Variants in SMC2 observed in about 807,000 individuals in gnomAD.
SMC2 encodes structural maintenance of chromosomes 2.
A neutral mutation model predicts 142.6 loss-of-function variants in SMC2; 41 were observed. The ratio of observed to expected loss-of-function variants is 0.29; its 90% CI spans 0.22 to 0.37. The LOEUF is 0.37. Among genes scored for constraint, SMC2 ranks in the 10% least tolerant of loss-of-function variants. The pLI, the probability that SMC2 is intolerant of heterozygous loss-of-function variation, is 1.00. For missense variants in SMC2, 1,265 were observed against 1,373.7 expected (o/e 0.92, Z 1.25); for synonymous variants, 463 against 457.5 (o/e 1.01, Z -0.15).
At chr9:104,096,435 T>G in intron 3 of SMC2, 138 bp downstream of exon 3, 1 of 699,900 alleles carries the variant, frequency 1.4e-6, no homozygotes, top group South Asian at 2.0e-5. Flanking sequence ...GATTCCTTAA[T>G]GTCTTCCTTA....
At chr9:104,093,552 A>G (rs371409466), upstream of SMC2, among the ~76,000 whole-genome samples, 147 of 152,220 alleles carry the variant, frequency 9.7e-4, 1 homozygote, top group African/African-American at 3.2e-3. Context: ...TCAGAACTCA[A>G]TAACATGAAC....
rs778612143 is a variant in SMC2 at position 104,120,179 on chromosome 9, C to A, written c.2132+17C>A. The A allele has an allele frequency of 6.4e-7, 1 of 1,563,124 alleles. No homozygotes were observed. Among genetic ancestry groups the A allele is most frequent in the African/African-American group, 1.4e-5 (1 of 71,692 alleles). The stretch of plus-strand genomic sequence containing the variant: ...TGCTGAAAAGTAAGAACTGCATATA[C>A]TTTTTTTAATTAAAGATTTGCATAG... On this transcript the variant is annotated intron_variant, in intron 16 of 24. Transcript: ENST00000374793.
At chr9:104,124,838 T>A in intron 17 of SMC2, 74 bp from the exon 18 acceptor site, 1 of 1,150,214 alleles carries the variant, frequency 8.7e-7, no homozygotes, top group Non-Finnish European at 1.2e-6. Context: ...CCAAACCATT[T>A]CTTCTATTAA....
intron 4 of SMC2, among the ~76,000 whole-genome samples, chr9:104,098,837 T>A (rs1267899037): frequency 2.1e-5 from 3 of 145,496 alleles, no homozygotes. Flanking sequence ...ATGTTAACTG[T>A]AAAAAAAAAA....
At chr9:104,111,461 A>AT in intron 9 of SMC2, 120 bp from the exon 10 acceptor site, 1 of 609,050 alleles carries the variant, frequency 1.6e-6, no homozygotes, top group Non-Finnish European at 2.9e-6. Context: ...TGATGGTTAA[A>AT]TTATTTTATT....
Position 104,139,667 on chromosome 9 carries a change from TTTAA to T in SMC2, c.*355_*358del, listed in dbSNP as rs1444531368. On this transcript the variant is annotated 3_prime_UTR_variant, in exon 25 of 25. Transcript: ENST00000374793. ...TGATAAATGTAGCTGATCATCAGTG[TTTAA>T]TTGATTTAATTCCTAAGGCAATATT... 5.9e-6 allele frequency: 1 copy of T among 168,238 alleles called. No individual in the cohort carries two copies. Among genetic ancestry groups the T allele is most frequent in the Non-Finnish European group, 1.3e-5 (1 of 79,578 alleles). 10.4% of individuals were successfully genotyped at this position (168,238 alleles called of 1,614,324 possible). A position where few individuals can be genotyped will look rare whatever the true frequency, so the allele number is the denominator to read the frequency against.
chr9:104,109,843 T>C (rs988516835), intron 9 of SMC2, among the ~76,000 whole-genome samples: 1 of 152,060 alleles, frequency 6.6e-6, no homozygotes, highest in Non-Finnish European at 1.5e-5. Flanking sequence ...TATACAAAAA[T>C]CTATTATAAA....
At chr9:104,093,637 G>A (rs1462159434), upstream of SMC2, among the ~76,000 whole-genome samples, 1 of 152,134 alleles carries the variant, frequency 6.6e-6, no homozygotes, top group Non-Finnish European at 1.5e-5. Context: ...CCGGTATAAG[G>A]GAGATGAATA....
intron 19 of SMC2, 150 bp from the exon 20 acceptor site, chr9:104,127,136 G>T (rs2131507231): frequency 3.3e-6 from 2 of 604,578 alleles, no homozygotes; most frequent in East Asian, 2.8e-5. Flanking sequence ...CCTTTTAATG[G>T]TGATATAAAA....
upstream of SMC2, chr9:104,094,218 G>A (rs533393505): frequency 5.1e-6 from 2 of 395,974 alleles, no homozygotes; most frequent in Admixed American, 8.8e-5. Context: ...CGAGTGTAGG[G>A]GAAAAATTGA....
chr9:104,102,304 A>T, intron 8 of SMC2, 111 bp downstream of exon 8: 1 of 1,106,740 alleles, frequency 9.0e-7, no homozygotes, highest in Non-Finnish European at 1.3e-6. Flanking sequence ...TGATTTGTTA[A>T]TCTTATAGTA....
chr9:104,101,158 C>A (rs1831076027), intron 7 of SMC2, among the ~76,000 whole-genome samples: 1 of 152,134 alleles, frequency 6.6e-6, no homozygotes, highest in East Asian at 1.9e-4. Flanking sequence ...TGGTCTTGAA[C>A]TCCTGGGCTC....
At position 104,137,994 on chromosome 9, in the gene SMC2, G is replaced by C. The variant is rs369661609; in HGVS notation, c.3270-24G>C. The C allele has an allele frequency of 8.6e-6, 13 of 1,508,194 alleles. No homozygotes were observed. The Admixed American group carries it at 9.9e-5, about 11-fold the overall frequency. The allele number at this position is 1,508,194 out of a possible 1,614,324, so 93.4% of individuals were successfully genotyped here. A position where few individuals can be genotyped will look rare whatever the true frequency, so the allele number is the denominator to read the frequency against. On this transcript the variant is annotated intron_variant, in intron 23 of 24. Transcript: ENST00000374793. ...TAAGTGATAAAATCAAATTTTTATGGCTTTTCTTCTGACCTTTTCTTAGGT... is the reference window on the plus strand; with the variant it reads ...TAAGTGATAAAATCAAATTTTTATGCCTTTTCTTCTGACCTTTTCTTAGGT...
Position 104,113,492 on chromosome 9 carries a change from A to G in SMC2, c.1414+17A>G. 6.3e-7 allele frequency: 1 copy of G among 1,578,126 alleles called. No individual in the cohort carries two copies. Among genetic ancestry groups the G allele is most frequent in the East Asian group, 2.3e-5 (1 of 44,008 alleles). On this transcript the variant is annotated intron_variant, in intron 11 of 24. Coordinates refer to ENST00000374793, the MANE Select transcript of SMC2 (RefSeq NM_006444.3). ...ATTATGAAGGTTTGCCTTTAAAAAC[A>G]TGATAATCAGATCATGAGGAGGTAG... is the stretch of plus-strand genomic sequence containing the variant.
intron 16 of SMC2, among the ~76,000 whole-genome samples, chr9:104,122,563 A>C (rs16923697): frequency 0.057 from 8,595 of 151,930 alleles, 656 homozygotes; most frequent in African/African-American, 0.18. Context: ...TGAATTAGCT[A>C]AATACCTTTC....
Position 104,114,079 on chromosome 9 carries a change from C to T in SMC2, c.1530C>T (p.Tyr510=). 6.8e-7 allele frequency: 1 copy of T among 1,476,826 alleles called. No homozygotes were observed. The highest frequency in any genetic ancestry group is 1.4e-5 in the African/African-American group (1 of 70,888). The allele number at this position is 1,476,826 out of a possible 1,614,324, so 91.5% of individuals were successfully genotyped here. Residue 510 remains tyrosine (Y), a splice_region_variant and synonymous_variant, in exon 12 of 25, where the codon TAC becomes TAT. Transcript: ENST00000374793. ...GATTTCCCAATCTTCGATTTGCATACAAGTAAGAGACTTAAGCCTTGAATT... is the reference window on the plus strand; with the variant it reads ...GATTTCCCAATCTTCGATTTGCATATAAGTAAGAGACTTAAGCCTTGAATT... The part of the protein sequence containing the change: ...LARFPNLRFA[Y]KDPEKNWNRN...
intron 18 of SMC2, 24 bp from the exon 19 acceptor site, chr9:104,126,617 A>G: frequency 6.3e-7 from 1 of 1,576,472 alleles, no homozygotes; most frequent in Non-Finnish European, 8.6e-7. Context: ...CTATATGAAT[A>G]CCTGAATACT....
In SMC2 at chr9:104,103,389, C is replaced by G. The variant is rs114051281; in HGVS notation, c.1020+816C>G. ...GAAAGAGGGATAAATAGGGAGGTAA[C>G]TGGAGGGTAATACAGAAGAGAGTTT... On this transcript the variant is annotated intron_variant, in intron 9 of 24. Transcript: ENST00000374793. Among the ~76,000 whole-genome samples the G allele has an allele frequency of 8.1e-3, 1,232 of 152,198 alleles. 17 individuals are homozygous for G. The highest frequency in any genetic ancestry group is 0.028 in the African/African-American group (1,182 of 41,532).
chr9:104,111,855 C>CAAG, intron 10 of SMC2, 41 bp downstream of exon 10: 1 of 1,376,830 alleles, frequency 7.3e-7, no homozygotes, highest in Non-Finnish European at 1.0e-6. Flanking sequence ...CTTTTTTTTC[C>CAAG]AAGAAGTTTC....
Sources: allele counts gnomAD v4.1 joint callset (sites outside exome capture counted in the v4.1 genomes callset), GRCh38; gene constraint gnomAD v4.1.1; transcripts MANE v1.5; gene names NCBI Gene and HGNC (gene_info 2026-07-23, HGNC 2026-07-21).